The following DTX2 variants were observed in gnomAD, a reference collection of about 807,000 sequenced individuals.
DTX2 encodes deltex E3 ubiquitin ligase 2.
Under a neutral mutation model 55.3 loss-of-function variants are expected in DTX2, and 29 were observed. The ratio of observed to expected loss-of-function variants is 0.52; its 90% CI spans 0.39 to 0.71. The LOEUF is 0.71. Among genes scored for constraint, DTX2 ranks in the 30% least tolerant of loss-of-function variants. DTX2 has a pLI of 0.00. For synonymous variants in DTX2, 276 were observed against 340.4 expected (o/e 0.81, Z 2.08); for missense variants, 537 against 822.5 (o/e 0.65, Z 4.25).
intron 4 of DTX2, among the ~76,000 whole-genome samples, chr7:76,484,035 A>G (rs925825995): frequency 1.4e-5 from 2 of 143,262 alleles, no homozygotes; most frequent in African/African-American, 2.7e-5. Context: ...TCAGCCCCCT[A>G]GGTGACAGAG....
At chr7:76,501,532 C>A (rs556353071) in intron 7 of DTX2, among the ~76,000 whole-genome samples, 1 of 151,696 alleles carries the variant, frequency 6.6e-6, no homozygotes, top group South Asian at 2.1e-4. Flanking sequence ...GGACCCCCAA[C>A]TCACACACAG....
intron 2 of DTX2, chr7:76,474,962 G>C (rs1463332140): frequency 6.6e-6 from 1 of 152,076 alleles, no homozygotes; most frequent in African/African-American, 2.4e-5. Context: ...TAAAGGAAAA[G>C]CAGGGTTTGT....
intron 4 of DTX2, among the ~76,000 whole-genome samples, chr7:76,483,554 G>C (rs1353947301): frequency 6.6e-6 from 1 of 151,024 alleles, no homozygotes; most frequent in Admixed American, 6.6e-5. Flanking sequence ...CCTTACCCCT[G>C]AGCCCTAGTC....
At chr7:76,477,627 GTC>G (rs1808692589) in intron 2 of DTX2, among the ~76,000 whole-genome samples, 1 of 144,646 alleles carries the variant, frequency 6.9e-6, no homozygotes, top group Non-Finnish European at 1.5e-5. Context: ...GGAGACCCCT[GTC>G]TCTACAAAAA....
intron 3 of DTX2, among the ~76,000 whole-genome samples, chr7:76,482,105 T>C (rs1173444903): frequency 1.3e-5 from 2 of 152,170 alleles, no homozygotes; most frequent in African/African-American, 2.4e-5. Context: ...CTGAGAAAGA[T>C]AGCAGACAGG....
chr7:76,499,675 TAG>T (rs1811418146), intron 6 of DTX2: 1 of 152,742 alleles, frequency 6.5e-6, no homozygotes, highest in African/African-American at 2.5e-5. Flanking sequence ...TCCCACTACC[TAG>T]AGAACGCCCC....
chr7:76,495,843 G>A (rs1331560360), intron 5 of DTX2, among the ~76,000 whole-genome samples: 3 of 147,094 alleles, frequency 2.0e-5, no homozygotes, highest in African/African-American at 7.6e-5. Context: ...CCTGCCCGCT[G>A]AGGCAGTGTT....
chr7:76,480,737 T>C lies in DTX2; in HGVS notation c.228T>C (p.Ile76=), dbSNP rs977259699. The C allele has an allele frequency of 1.2e-6, 2 of 1,612,488 alleles. No individual in the cohort carries two copies. Among genetic ancestry groups the C allele is most frequent in the Non-Finnish European group, 1.7e-6 (2 of 1,179,110 alleles). The change falls in exon 3 of 11, where the codon ATT becomes ATC. Residue 76 remains isoleucine, a synonymous_variant. Transcript: ENST00000430490. ...CAGACCCCTCGCTGGCCCCTTACAT[T>C]ATTGACCTCCCCAGCTGGACCCAGT... ...GQADPSLAPY[I]IDLPSWTQFR...
At chr7:76,501,243 C>G (rs375844762) in intron 7 of DTX2, 30 of 455,688 alleles carry the variant, frequency 6.6e-5, no homozygotes, top group South Asian at 4.6e-4. Flanking sequence ...TACCCAGGGA[C>G]TCTTCACTTG....
chr7:76,498,947 TG>T, intron 6 of DTX2, among the ~76,000 whole-genome samples: 1 of 38,766 alleles, frequency 2.6e-5, no homozygotes, highest in African/African-American at 1.7e-4. Context: ...TGTATGGAGG[TG>T]GGTGTGTGGG....
intron 7 of DTX2, chr7:76,501,343 C>T (rs1811661064): frequency 4.4e-6 from 2 of 453,140 alleles, no homozygotes; most frequent in Non-Finnish European, 4.4e-6. Context: ...TGTGTCCCAC[C>T]CCTTCCACAA....
intron 2 of DTX2, 80 bp from the exon 3 acceptor site, chr7:76,480,341 C>T (rs1050065098): frequency 1.3e-4 from 109 of 829,840 alleles, no homozygotes; most frequent in Non-Finnish European, 1.8e-4. Context: ...AAAAGCATCA[C>T]GTGTTTCCCC....
chr7:76,501,179 A>C, intron 7 of DTX2: 1 of 426,210 alleles, frequency 2.3e-6, no homozygotes, highest in Non-Finnish European at 4.7e-6. Flanking sequence ...CGGGAGTACC[A>C]GTACCCAGAG....
At chr7:76,464,173 G>A (rs564975774) in intron 2 of DTX2, among the ~76,000 whole-genome samples, 176 of 151,848 alleles carry the variant, frequency 1.2e-3, no homozygotes, top group Middle Eastern at 3.4e-3. Context: ...GGAAGGTCAG[G>A]AAGGCTCCTG....
In DTX2 at chr7:76,483,963, A is replaced by G. The variant is rs545664021; in HGVS notation, c.908+816A>G. 2.3e-4 allele frequency among the ~76,000 whole-genome samples: 35 copies of G among 151,398 alleles called. 1 individual carries two copies. The highest frequency in any genetic ancestry group is 2.2e-3 in the Admixed American group (33 of 15,212). On this transcript the variant is annotated intron_variant, in intron 4 of 10. Transcript: ENST00000430490. ...TCCCAGCTACTTGGGAGACTGAGGC[A>G]GGAGGATTGCTGGAGACCAGGAGGT...
chr7:76,472,082 C>T (rs1462785046), intron 2 of DTX2: 1 of 150,950 alleles, frequency 6.6e-6, no homozygotes, highest in Non-Finnish European at 1.5e-5. Flanking sequence ...AAAGCCCCAT[C>T]TCGCCGTGCT....
rs374522089 is a variant in DTX2, at chr7:76,483,165, C to T, written c.908+18C>T. The T allele has an allele frequency of 9.4e-4, 1,511 of 1,603,116 alleles. 1 individual carries two copies. Among genetic ancestry groups the T allele is most frequent in the Non-Finnish European group, 1.2e-3 (1,410 of 1,176,758 alleles). Reference sequence around the variant, plus strand: ...GCAGTCAGGTATCGTGGGCAACGGCCGCTCGTTTTGTCTGCCCTGTGTTTC... The same window carrying T: ...GCAGTCAGGTATCGTGGGCAACGGCTGCTCGTTTTGTCTGCCCTGTGTTTC... On this transcript the variant is annotated intron_variant, in intron 4 of 10. Coordinates refer to ENST00000430490, the MANE Select transcript of DTX2 (RefSeq NM_001102594.3).
chr7:76,495,289 G>C (rs966856415), intron 5 of DTX2, among the ~76,000 whole-genome samples: 1 of 146,532 alleles, frequency 6.8e-6, no homozygotes, highest in African/African-American at 2.5e-5. Flanking sequence ...GAGAGGCTTG[G>C]ATCTCAGCCC....
intron 6 of DTX2, among the ~76,000 whole-genome samples, chr7:76,499,393 A>G (rs1051098546): frequency 1.3e-5 from 2 of 150,842 alleles, no homozygotes; most frequent in Admixed American, 6.6e-5. Context: ...CTCCCTGCCA[A>G]ACTGTCCCCT....
Sources: gnomAD v4.1 joint callset for allele counts (sites outside exome capture counted in the v4.1 genomes callset) on GRCh38, gnomAD v4.1.1 for gene constraint, MANE v1.5 for transcripts, NCBI Gene and HGNC (gene_info 2026-07-23, HGNC 2026-07-21) for gene names.